HDAC9: variants seen among roughly 807,000 people sequenced by gnomAD.
HDAC9 encodes the protein MEF-2 interacting transcription repressor (MITR) protein.
Under a neutral mutation model 139.4 loss-of-function variants are expected in HDAC9, and 41 were observed. That is an observed-to-expected ratio of 0.29 (90% CI 0.23 to 0.38). The LOEUF (loss-of-function observed/expected upper bound fraction) is 0.38. HDAC9 is among the 10% of genes least tolerant of loss of function. The probability of loss-of-function intolerance (pLI) is 1.00; values close to 1 mark genes in which losing one functional copy is unlikely to be tolerated. For missense variants in HDAC9, 1,147 were observed against 1,297.0 expected (o/e 0.88, Z 1.78); for synonymous variants, 517 against 476.2 (o/e 1.09, Z -1.12).
chr7:18,207,031 G>A (rs1197270271), intron 2 of HDAC9, among the ~76,000 whole-genome samples: 4 of 151,246 alleles, frequency 2.6e-5, no homozygotes, highest in Admixed American at 2.6e-4. Flanking sequence ...TGCCTCCTAG[G>A]TTCAAGTGAT....
At chr7:18,307,096 C>G (rs1318761208) in intron 1 of HDAC9, among the ~76,000 whole-genome samples, 6 of 108,780 alleles carry the variant, frequency 5.5e-5, no homozygotes, top group Non-Finnish European at 9.1e-5. Flanking sequence ...GAGGGCAGTT[C>G]TTGTGTGTGT....
At chr7:18,151,469 C>T (rs1463097108) in intron 1 of HDAC9, among the ~76,000 whole-genome samples, 2 of 152,190 alleles carry the variant, frequency 1.3e-5, no homozygotes, top group Admixed American at 6.5e-5. Flanking sequence ...CATTAAGAGG[C>T]TTTATCCTCT....
intron 12 of HDAC9, among the ~76,000 whole-genome samples, chr7:18,715,210 C>T (rs1383817153): frequency 6.6e-6 from 1 of 151,194 alleles, no homozygotes; most frequent in Non-Finnish European, 1.5e-5. Context: ...CTGTGTGCTT[C>T]CTCAAACACT....
intron 2 of HDAC9, among the ~76,000 whole-genome samples, chr7:18,551,295 G>C (rs1817042337): frequency 6.6e-6 from 1 of 152,120 alleles, no homozygotes. Flanking sequence ...TTGCTTGTAG[G>C]CAGGTGGGTA....
At chr7:18,632,250 G>A (rs949218861) in intron 7 of HDAC9, among the ~76,000 whole-genome samples, 1 of 151,814 alleles carries the variant, frequency 6.6e-6, no homozygotes, top group African/African-American at 2.4e-5. Flanking sequence ...AGACAGAAAG[G>A]CAGTGAGCAA....
At chr7:18,809,227 T>C (rs1295239184) in intron 17 of HDAC9, among the ~76,000 whole-genome samples, 1 of 151,980 alleles carries the variant, frequency 6.6e-6, no homozygotes, top group African/African-American at 2.4e-5. Context: ...GACATGAAAC[T>C]ATAAAACTAC....
chr7:18,227,231 A>G (rs1368648026), intron 2 of HDAC9, among the ~76,000 whole-genome samples: 1 of 152,170 alleles, frequency 6.6e-6, no homozygotes, highest in Non-Finnish European at 1.5e-5. Context: ...AGACTTTGTA[A>G]TCCTTCTGAG....
At chr7:18,093,760 G>A (rs1782321479) in intron 1 of HDAC9, among the ~76,000 whole-genome samples, 1 of 152,086 alleles carries the variant, frequency 6.6e-6, no homozygotes, top group South Asian at 2.1e-4. Context: ...ATCTTGAAAA[G>A]TCTATTGAGA....
At chr7:18,496,587 T>G (rs953764593) in intron 2 of HDAC9, 1 of 464,460 alleles carries the variant, frequency 2.2e-6, no homozygotes, top group Non-Finnish European at 3.8e-6. Context: ...ATAAGTAAAA[T>G]GTAGTTGGGG....
chr7:18,694,942 G>A (rs541870698), intron 12 of HDAC9, among the ~76,000 whole-genome samples: 9 of 152,252 alleles, frequency 5.9e-5, no homozygotes, highest in Non-Finnish European at 1.0e-4. Flanking sequence ...TTACATAGGA[G>A]TGGGAGTGAC....
At chr7:18,600,349 T>C (rs566735683) in intron 6 of HDAC9, among the ~76,000 whole-genome samples, 1 of 152,310 alleles carries the variant, frequency 6.6e-6, no homozygotes, top group South Asian at 2.1e-4. Flanking sequence ...TAGTTTTATA[T>C]CCAAAAATTT....
At chr7:18,256,660 G>A (rs918031147) in intron 2 of HDAC9, among the ~76,000 whole-genome samples, 1 of 152,140 alleles carries the variant, frequency 6.6e-6, no homozygotes, top group Non-Finnish European at 1.5e-5. Flanking sequence ...TATAGTTTTT[G>A]CAACAGATAA....
At chr7:18,553,244 C>T (rs374243126) in intron 2 of HDAC9, among the ~76,000 whole-genome samples, 5 of 152,146 alleles carry the variant, frequency 3.3e-5, no homozygotes, top group African/African-American at 9.6e-5. Flanking sequence ...TGAAACCTAA[C>T]GCTCCTGCTA....
intron 24 of HDAC9, among the ~76,000 whole-genome samples, chr7:18,962,398 C>G (rs1255423798): frequency 1.3e-5 from 2 of 152,100 alleles, no homozygotes; most frequent in African/African-American, 4.8e-5. Flanking sequence ...TCTAATTAAC[C>G]ATTCTCTTCA....
upstream of HDAC9, among the ~76,000 whole-genome samples, chr7:18,289,247 C>T (rs1160646398): frequency 6.6e-6 from 1 of 152,076 alleles, no homozygotes; most frequent in Non-Finnish European, 1.5e-5. Flanking sequence ...CTTGTATTTC[C>T]CTTCAGTGTA....
intron 1 of HDAC9, among the ~76,000 whole-genome samples, chr7:18,143,542 T>C (rs1786064836): frequency 6.6e-6 from 1 of 152,082 alleles, no homozygotes; most frequent in African/African-American, 2.4e-5. Flanking sequence ...AGTGAGTGTT[T>C]CTTGGGAGGC....
chr7:18,354,148 A>G (rs965073930), intron 1 of HDAC9, among the ~76,000 whole-genome samples: 30 of 152,118 alleles, frequency 2.0e-4, no homozygotes, highest in Non-Finnish European at 3.4e-4. Flanking sequence ...CAAATAGAAA[A>G]CCTATTTTAA....
intron 2 of HDAC9, among the ~76,000 whole-genome samples, chr7:18,500,862 G>T (rs1335744508): frequency 6.6e-6 from 1 of 151,890 alleles, no homozygotes; most frequent in Non-Finnish European, 1.5e-5. Context: ...TGAAAGGTGA[G>T]ATGATAAACA....
chr7:18,212,413 G>T lies in HDAC9; in HGVS notation c.25+50064G>T, dbSNP rs536008917. Among the ~76,000 whole-genome samples, 10 of 152,212 alleles carry T rather than the reference G, an allele frequency of 6.6e-5. No homozygotes were observed. The South Asian group carries it at 1.2e-3, about 19-fold the overall frequency. The stretch of plus-strand genomic sequence containing the variant: ...GTCTGTGATGAGACAGCATAATCTT[G>T]TGGTTAATATTAGCTCAGGCTCTGT... On this transcript the variant is annotated intron_variant, in intron 2 of 12. Coordinates refer to the HDAC9 transcript ENST00000417496.
Sources: gnomAD v4.1 joint callset for allele counts (sites outside exome capture counted in the v4.1 genomes callset) on GRCh38, gnomAD v4.1.1 for gene constraint, MANE v1.5 for transcripts, NCBI Gene and HGNC (gene_info 2026-07-23, HGNC 2026-07-21) for gene names.